CDH4: variants seen among roughly 807,000 people sequenced by gnomAD.
CDH4 encodes the protein cadherin 4.
A neutral mutation model predicts 86.0 loss-of-function variants in CDH4; 33 were observed. That is an observed-to-expected ratio of 0.38 (90% CI 0.29 to 0.51). CDH4 has a LOEUF of 0.51. CDH4 is among the 20% of genes least tolerant of loss of function. The probability of loss-of-function intolerance (pLI) is 0.86; values close to 1 mark genes in which losing one functional copy is unlikely to be tolerated. For missense variants in CDH4, 1,114 were observed against 1,307.4 expected, an observed-to-expected ratio of 0.85 and a Z score of 2.28; for synonymous variants, 555 against 549.4, an observed-to-expected ratio of 1.01 and a Z score of -0.14.
At chr20:61,639,672 G>GAA (rs1449269981) in intron 2 of CDH4, among the ~76,000 whole-genome samples, 1 of 152,156 alleles carries the variant, frequency 6.6e-6, no homozygotes, top group East Asian at 1.9e-4. Flanking sequence ...GTTTTAAAGA[G>GAA]AAAGAGGCTG....
In CDH4 at chr20:61,923,638, C is replaced by T. The variant is rs767095807; in HGVS notation, c.1562C>T (p.Pro521Leu). The T allele has an allele frequency of 3.1e-6, 5 of 1,613,982 alleles. No individual in the cohort carries two copies. In the East Asian group the frequency reaches 6.7e-5, roughly 22 times the overall value. Residue 521 changes from proline to leucine, a missense_variant, in exon 10 of 16, where the codon CCC (proline) becomes CTC (leucine). By Grantham distance (98) the Pro-to-Leu change is moderately conservative (BLOSUM62 -3). This residue lies in a region of CDH4 where 705 missense variants were observed against 914.1 expected (regional missense o/e 0.77). Transcript: ENST00000614565. ...HKLIRLEEGVPPGTVLTTFSA... is the reference protein window; with the variant it reads ...HKLIRLEEGVLPGTVLTTFSA... Reference sequence around the variant, plus strand: ...CTGATCCGCCTGGAGGAGGGCGTGCCCCCCGGCACCGTGCTGACCACGTTT... The same window carrying T: ...CTGATCCGCCTGGAGGAGGGCGTGCTCCCCGGCACCGTGCTGACCACGTTT...
At chr20:61,306,273 GC>G (rs1184840388) in intron 2 of CDH4, among the ~76,000 whole-genome samples, 1 of 152,292 alleles carries the variant, frequency 6.6e-6, no homozygotes, top group East Asian at 1.9e-4. Flanking sequence ...CTTTAAAAAT[GC>G]AGTTTACTCT....
At chr20:61,442,364 C>T (rs1351249298) in intron 2 of CDH4, among the ~76,000 whole-genome samples, 1 of 152,198 alleles carries the variant, frequency 6.6e-6, no homozygotes, top group East Asian at 1.9e-4. Flanking sequence ...TTTAAACAAA[C>T]ATCATTATTA....
intron 2 of CDH4, among the ~76,000 whole-genome samples, chr20:61,317,107 G>C (rs368501312): frequency 6.6e-6 from 1 of 151,884 alleles, no homozygotes; most frequent in Non-Finnish European, 1.5e-5. Flanking sequence ...GGCCAGGTGC[G>C]GTGGCTCATG....
chr20:61,858,489 CTG>C (rs1302022392), intron 6 of CDH4, among the ~76,000 whole-genome samples: 2 of 150,116 alleles, frequency 1.3e-5, no homozygotes, highest in African/African-American at 4.9e-5. Context: ...GTCTCTGTGT[CTG>C]TATGTGTGTG....
At chr20:61,775,840 T>C (rs2088834704) in intron 4 of CDH4, among the ~76,000 whole-genome samples, 1 of 152,194 alleles carries the variant, frequency 6.6e-6, no homozygotes, top group Admixed American at 6.5e-5. Flanking sequence ...TTTCTCAGCC[T>C]GATGATCTAG....
At chr20:61,581,893 C>T (rs1009748792) in intron 2 of CDH4, among the ~76,000 whole-genome samples, 8 of 152,184 alleles carry the variant, frequency 5.3e-5, no homozygotes, top group African/African-American at 1.7e-4. Context: ...GCTGAGCTCC[C>T]GCCGTCTCCC....
chr20:61,841,444 GAA>G (rs540485865), intron 4 of CDH4, among the ~76,000 whole-genome samples: 234 of 152,328 alleles, frequency 1.5e-3, no homozygotes, highest in Non-Finnish European at 2.8e-3. Flanking sequence ...CAAACTTGGT[GAA>G]AACTCTCCAT....
At chr20:61,809,804 A>G (rs1386311648) in intron 4 of CDH4, among the ~76,000 whole-genome samples, 1 of 152,230 alleles carries the variant, frequency 6.6e-6, no homozygotes, top group East Asian at 1.9e-4. Flanking sequence ...GTTACAACCA[A>G]CAAGTACCTG....
At chr20:61,539,360 A>G (rs2086022331) in intron 2 of CDH4, among the ~76,000 whole-genome samples, 1 of 152,166 alleles carries the variant, frequency 6.6e-6, no homozygotes, top group Non-Finnish European at 1.5e-5. Context: ...ATTTTCTTAC[A>G]ATTCAGGAGC....
At chr20:61,782,413 C>T (rs1237894091) in intron 4 of CDH4, among the ~76,000 whole-genome samples, 1 of 152,200 alleles carries the variant, frequency 6.6e-6, no homozygotes, top group Non-Finnish European at 1.5e-5. Flanking sequence ...GGATGTTCCT[C>T]AGGCCAGAAA....
intron 4 of CDH4, among the ~76,000 whole-genome samples, chr20:61,818,187 G>A (rs73141194): frequency 5.3e-5 from 8 of 152,220 alleles, no homozygotes; most frequent in South Asian, 2.1e-4. Flanking sequence ...ACACCACTAC[G>A]CCTCTTATGT....
At chr20:61,553,481 G>A (rs941115157) in intron 2 of CDH4, among the ~76,000 whole-genome samples, 5 of 152,220 alleles carry the variant, frequency 3.3e-5, no homozygotes, top group Non-Finnish European at 5.9e-5. Flanking sequence ...CCTTTGAGGT[G>A]TTTCCATTTG....
intron 2 of CDH4, among the ~76,000 whole-genome samples, chr20:61,495,795 C>T (rs576663551): frequency 3.4e-5 from 5 of 147,080 alleles, no homozygotes; most frequent in East Asian, 2.1e-4. Flanking sequence ...CCCAGCTACT[C>T]GGGAGGCTGA....
intron 4 of CDH4, among the ~76,000 whole-genome samples, chr20:61,834,468 G>A (rs1486308527): frequency 1.3e-5 from 2 of 152,190 alleles, no homozygotes; most frequent in African/African-American, 4.8e-5. Flanking sequence ...CCCTGCTCCC[G>A]TATCCCCAGC....
At chr20:61,385,595 C>T (rs10211805) in intron 2 of CDH4, among the ~76,000 whole-genome samples, 37,459 of 151,994 alleles carry the variant, frequency 0.25, 4,997 homozygotes, top group African/African-American at 0.34. Flanking sequence ...TTGCCAAACG[C>T]GTGACTAGCC....
chr20:61,548,942 C>T (rs1164227925), intron 2 of CDH4, among the ~76,000 whole-genome samples: 1 of 150,672 alleles, frequency 6.6e-6, no homozygotes, highest in African/African-American at 2.4e-5. Flanking sequence ...GAGTGCAAGT[C>T]ATGTATCTTG....
rs1360693877 is a variant in CDH4, at chr20:61,518,624, ATCC to A, written c.170-224938_170-224936del. 1.3e-5 allele frequency among the ~76,000 whole-genome samples: 2 copies of A among 151,558 alleles called. No individual in the cohort carries two copies. Among genetic ancestry groups the A allele is most frequent in the Non-Finnish European group, 2.9e-5 (2 of 67,892 alleles). ...TCATCCACTCATCCATCCATCCTTC[ATCC>A]ACCTAACCATTTATCCATCCATTCA... On this transcript the variant is annotated intron_variant, in intron 2 of 15. Transcript: ENST00000614565. The surrounding 1 kb of genome is among the most constrained non-coding windows in gnomAD (Gnocchi z 6.3).
At chr20:61,907,189 G>C (rs1282177450) in intron 8 of CDH4, among the ~76,000 whole-genome samples, 1 of 151,964 alleles carries the variant, frequency 6.6e-6, no homozygotes, top group Non-Finnish European at 1.5e-5. Flanking sequence ...CCACCCCCAG[G>C]CCCCCCCGGG....
Sources: gnomAD v4.1 joint callset for allele counts (sites outside exome capture counted in the v4.1 genomes callset) on GRCh38, gnomAD v4.1.1 for gene constraint, gnomAD v4.1.1 regional missense constraint, Gnocchi (gnomAD v3.1) non-coding constraint, MANE v1.5 for transcripts, NCBI Gene and HGNC (gene_info 2026-07-23, HGNC 2026-07-21) for gene names.